The following PCDHGA4 variants were observed in gnomAD, a reference collection of about 807,000 sequenced individuals.
PCDHGA4 encodes protocadherin gamma-A4.
In PCDHGA4, 38 loss-of-function variants were observed where a neutral mutation model predicts 54.6. The observed-to-expected ratio is 0.70, with a 90% CI of 0.54 to 0.91. The LOEUF is 0.91. Ranked by LOEUF, PCDHGA4 falls within the 40% of genes least tolerant of loss-of-function variation. PCDHGA4 has a pLI of 0.00. For missense variants in PCDHGA4, 1,298 were observed against 1,220.9 expected (o/e 1.06, Z -0.94); for synonymous variants, 511 against 512.9 (o/e 1.00, Z 0.05).
chr5:141,478,045 T>A, intron 1 of PCDHGA4: 1 of 1,614,144 alleles, frequency 6.2e-7, no homozygotes, highest in Non-Finnish European at 8.5e-7. Context: ...CCAGGCAGAC[T>A]CTCACGGTCT....
chr5:141,373,102 C>T (rs182664411), intron 1 of PCDHGA4, among the ~76,000 whole-genome samples: 60 of 152,332 alleles, frequency 3.9e-4, no homozygotes, highest in Admixed American at 3.5e-3. Flanking sequence ...CATTTTCAGA[C>T]ATATCTATCC....
At chr5:141,361,516 G>C in intron 1 of PCDHGA4, 2 of 1,614,060 alleles carry the variant, frequency 1.2e-6, no homozygotes. Flanking sequence ...CATGGTTCAC[G>C]TGGCAGAGAA....
chr5:141,432,642 C>T lies in PCDHGA4; in HGVS notation c.2515-62165C>T, dbSNP rs746251093. 7.4e-6 allele frequency: 12 copies of T among 1,613,784 alleles called. No individual in the cohort carries two copies. The highest frequency in any genetic ancestry group is 2.7e-5 in the African/African-American group (2 of 75,056). ...GGTCTGCACACGGGCGAGGTGCGCA[C>T]GGCGCGAGCCCTGCTGGACAGAGAC... On this transcript the variant is annotated intron_variant, in intron 1 of 3. Coordinates refer to ENST00000571252, the MANE Select transcript of PCDHGA4 (RefSeq NM_018917.4). This position sits in a 1 kb window ranked among gnomAD's most constrained non-coding sequence, Gnocchi z 6.0.
intron 1 of PCDHGA4, chr5:141,395,737 A>T (rs2093305517): frequency 6.5e-6 from 1 of 152,906 alleles, no homozygotes; most frequent in Non-Finnish European, 1.5e-5. Flanking sequence ...TTCACTTTAA[A>T]CCTCTTTTCT....
In PCDHGA4 at chr5:141,364,711, T is replaced by C. The variant is rs370237297; in HGVS notation, c.2514+7090T>C. ...TAGAAGTAGAAATAATCGATATTAA[T>C]GATAACTTCCCGCGTTTCCGGGATG... On this transcript the variant is annotated intron_variant, in intron 1 of 3. Transcript: ENST00000571252. 48 of 1,613,870 alleles carry C rather than the reference T, an allele frequency of 3.0e-5. No homozygotes were observed. In the African/African-American group the frequency reaches 5.1e-4, roughly 17 times the overall value.
At position 141,408,409 on chromosome 5, in the gene PCDHGA4, C is replaced by G. The variant is rs780778580; in HGVS notation, c.2514+50788C>G. On this transcript the variant is annotated intron_variant, in intron 1 of 3. Coordinates refer to ENST00000571252, the MANE Select transcript of PCDHGA4 (RefSeq NM_018917.4). ...TGTCGGCTCGCAAGCTGCGAGTGAGCGCGGAGAAGCTGCACTTCAGCGTAG... is the reference window on the plus strand; with the variant it reads ...TGTCGGCTCGCAAGCTGCGAGTGAGGGCGGAGAAGCTGCACTTCAGCGTAG... 3.1e-6 allele frequency: 5 copies of G among 1,613,884 alleles called. No individual in the cohort carries two copies. In the East Asian group the frequency reaches 1.1e-4, roughly 36 times the overall value.
intron 1 of PCDHGA4, chr5:141,375,745 C>T (rs753247365): frequency 2.5e-6 from 4 of 1,614,238 alleles, no homozygotes; most frequent in Admixed American, 3.3e-5. Context: ...TTGTGCTGGA[C>T]CAGAATGACA....
intron 1 of PCDHGA4, chr5:141,383,792 CA>C: frequency 6.2e-7 from 1 of 1,613,914 alleles, no homozygotes; most frequent in Non-Finnish European, 8.5e-7. Context: ...AACTCGCTTA[CA>C]GGAGAAATAT....
At chr5:141,441,742 T>C in intron 1 of PCDHGA4, 1 of 367,312 alleles carries the variant, frequency 2.7e-6, no homozygotes, top group Non-Finnish European at 5.4e-6. Context: ...TAGCTCGCGC[T>C]CGGCGTCAAC....
intron 1 of PCDHGA4, chr5:141,418,919 G>C: frequency 6.2e-7 from 1 of 1,614,016 alleles, no homozygotes. Flanking sequence ...GTCACTCTCT[G>C]ATCAGATTAT....
intron 1 of PCDHGA4, chr5:141,422,092 G>C: frequency 6.2e-7 from 1 of 1,611,520 alleles, no homozygotes; most frequent in Non-Finnish European, 8.5e-7. Flanking sequence ...GGAAAGCAAG[G>C]CTTCTGAAAT....
intron 1 of PCDHGA4, chr5:141,415,388 G>T: frequency 6.2e-7 from 1 of 1,614,236 alleles, no homozygotes; most frequent in Non-Finnish European, 8.5e-7. Context: ...GGCTTGACAG[G>T]TGTGTCCGGC....
At chr5:141,357,661 T>G (rs767998878) in intron 1 of PCDHGA4, 40 bp downstream of exon 1, 2 of 1,605,092 alleles carry the variant, frequency 1.2e-6, no homozygotes, top group South Asian at 2.2e-5. Context: ...CACTGAAATA[T>G]AGACAAAGAG....
intron 2 of PCDHGA4, among the ~76,000 whole-genome samples, chr5:141,496,230 C>T (rs1336418553): frequency 2.6e-5 from 4 of 152,160 alleles, no homozygotes; most frequent in Admixed American, 2.0e-4. Flanking sequence ...AGACAGGAAC[C>T]CCCTGCGGGC....
chr5:141,437,938 A>G (rs1042890704), intron 1 of PCDHGA4, among the ~76,000 whole-genome samples: 4 of 152,132 alleles, frequency 2.6e-5, no homozygotes, highest in African/African-American at 9.7e-5. Flanking sequence ...GGGTTTCACC[A>G]TATTGGCCAG....
Position 141,466,657 on chromosome 5 carries a change from C to T in PCDHGA4, c.2515-28150C>T, listed in dbSNP as rs143657719. Among the ~76,000 whole-genome samples the T allele has an allele frequency of 1.4e-3, 211 of 152,280 alleles. 1 individual carries two copies. The highest frequency in any genetic ancestry group is 4.7e-3 in the African/African-American group (197 of 41,542). On this transcript the variant is annotated intron_variant, in intron 1 of 3. Transcript: ENST00000571252. ...TCTCCATAAACTTTTCACAAAACAT[C>T]AGTGATTTCACCGTTCTTCCACTCA...
chr5:141,360,598 G>C (rs1761668512), intron 1 of PCDHGA4: 1 of 1,613,956 alleles, frequency 6.2e-7, no homozygotes, highest in Non-Finnish European at 8.5e-7. Flanking sequence ...ATTTCCACTT[G>C]ACCCAGCCCT....
In PCDHGA4 at chr5:141,431,508, G is replaced by A. The variant is rs774545870; in HGVS notation, c.2515-63299G>A. ...TTTGCTCAGCCCGAGTACCGCGCGA[G>A]CGTTCCGGAGAATCTGGCCTTGGGC... On this transcript the variant is annotated intron_variant, in intron 1 of 3. Coordinates refer to ENST00000571252, the MANE Select transcript of PCDHGA4 (RefSeq NM_018917.4). The surrounding 1 kb of genome is among the most constrained non-coding windows in gnomAD (Gnocchi z 4.8). 12 of 1,613,914 alleles carry A rather than the reference G, an allele frequency of 7.4e-6. No individual in the cohort carries two copies. Among genetic ancestry groups the A allele is most frequent in the East Asian group, 2.2e-5 (1 of 44,904 alleles).
intron 1 of PCDHGA4, chr5:141,440,359 G>T (rs932656332): frequency 5.3e-5 from 8 of 152,106 alleles, no homozygotes; most frequent in Non-Finnish European, 1.2e-4. Context: ...CTAGCTACTC[G>T]GGGGGCCGAG....
Sources: allele counts gnomAD v4.1 joint callset (sites outside exome capture counted in the v4.1 genomes callset), GRCh38; gene constraint gnomAD v4.1.1; non-coding constraint Gnocchi (gnomAD v3.1); transcripts MANE v1.5; gene names NCBI Gene and HGNC (gene_info 2026-07-23, HGNC 2026-07-21).